TPO: variants seen among roughly 807,000 people sequenced by gnomAD.
TPO encodes the protein thyroid microsomal antigen.
TPO carries 78 observed loss-of-function variants against 96.9 expected under a neutral mutation model. The observed-to-expected ratio is 0.81, with a 90% confidence interval of 0.67 to 0.97. The LOEUF (loss-of-function observed/expected upper bound fraction) is 0.97. TPO is among the 50% of genes least tolerant of loss of function. The pLI, the probability that TPO is intolerant of heterozygous loss-of-function variation, is 0.00. For missense variants in TPO, 1,252 were observed against 1,274.8 expected, an observed-to-expected ratio of 0.98 and a Z score of 0.27; for synonymous variants, 547 against 538.0, an observed-to-expected ratio of 1.02 and a Z score of -0.23.
chr2:1,436,618 C>T (rs542895751), intron 5 of TPO, among the ~76,000 whole-genome samples: 10 of 152,314 alleles, frequency 6.6e-5, no homozygotes, highest in Admixed American at 5.2e-4. Flanking sequence ...TAGGTGCTTA[C>T]AGGTGACTCT....
At chr2:1,484,901 CTTTT>C (rs760255981) in intron 9 of TPO, 47 bp downstream of exon 9, 11 of 1,608,742 alleles carry the variant, frequency 6.8e-6, no homozygotes, top group African/African-American at 4.0e-5. Context: ...ACTCTTCCTT[CTTTT>C]TTTAATTTTT....
chr2:1,471,892 C>A (rs1351864704), intron 7 of TPO, among the ~76,000 whole-genome samples: 1 of 151,726 alleles, frequency 6.6e-6, no homozygotes, highest in East Asian at 1.9e-4. Context: ...TCATGGTGTG[C>A]CCTTCCCATG....
At chr2:1,496,482 C>A in intron 12 of TPO, 113 bp from the exon 13 acceptor site, 1 of 1,470,460 alleles carries the variant, frequency 6.8e-7, no homozygotes, top group East Asian at 2.3e-5. Flanking sequence ...GCAGGGCTCC[C>A]CGGCCCTGGC....
chr2:1,477,401 C>A lies in TPO; in HGVS notation c.1135C>A (p.Pro379Thr), dbSNP rs960306707. Residue 379 changes from proline (P) to threonine (T), a missense_variant, in exon 8 of 17, where the codon CCC becomes ACC. Physicochemically the swap from Pro to Thr is conservative, Grantham distance 38 (BLOSUM62 -1). Transcript: ENST00000329066. ...CGCGCCTGCGGCCTGTGCGCCCGAG[C>A]CCGGCATCCCCGGAGAGACCCGCGG... ...PRAPAACAPEPGIPGETRGPC... is the reference protein window; with the variant it reads ...PRAPAACAPETGIPGETRGPC... 1 of 1,524,504 alleles carries A rather than the reference C, an allele frequency of 6.6e-7. No homozygotes were observed. Among genetic ancestry groups the A allele is most frequent in the South Asian group, 1.2e-5 (1 of 82,444 alleles). 94.4% of individuals were successfully genotyped at this position (1,524,504 alleles called of 1,614,324 possible).
At chr2:1,461,158 T>C (rs1002809097) in intron 7 of TPO, among the ~76,000 whole-genome samples, 2 of 151,740 alleles carry the variant, frequency 1.3e-5, no homozygotes, top group African/African-American at 4.8e-5. Flanking sequence ...GTGGGGGAGG[T>C]TGGGGGGCCT....
At chr2:1,410,960 T>G (rs1198794117), upstream of TPO, among the ~76,000 whole-genome samples, 2 of 152,352 alleles carry the variant, frequency 1.3e-5, no homozygotes, top group African/African-American at 2.4e-5. Context: ...TGCTCCTTTC[T>G]GACAGAGACT....
intron 8 of TPO, 94 bp downstream of exon 8, chr2:1,477,698 G>A: frequency 7.2e-7 from 1 of 1,389,490 alleles, no homozygotes. Flanking sequence ...TCTCTCCCAG[G>A]TACTTGCACA....
intron 7 of TPO, among the ~76,000 whole-genome samples, chr2:1,469,414 A>C (rs375250996): frequency 5.1e-4 from 77 of 152,314 alleles, no homozygotes; most frequent in African/African-American, 1.8e-3. Context: ...GGACGTGATT[A>C]GTACTCTCCC....
chr2:1,462,517 AACAC>A lies in TPO; in HGVS notation c.819+6257_819+6260del, dbSNP rs35553172. ...AAACCCAAATACGTGTGTGTAGGTA[AACAC>A]ACACACACACACACACACACAGATA... On this transcript the variant is annotated intron_variant, in intron 7 of 16. Transcript: ENST00000329066. 4.1e-3 allele frequency among the ~76,000 whole-genome samples: 539 copies of A among 131,600 alleles called. 6 individuals carry two copies. The highest frequency in any genetic ancestry group is 0.016 in the African/African-American group (502 of 30,788). The allele number at this position is 131,600 out of a possible 152,430, so 86.3% of individuals were successfully genotyped here.
At chr2:1,489,547 C>T (rs1671514922) in intron 10 of TPO, among the ~76,000 whole-genome samples, 1 of 152,176 alleles carries the variant, frequency 6.6e-6, no homozygotes, top group South Asian at 2.1e-4. Flanking sequence ...TGTGGGTCCC[C>T]CCATAGATCG....
chr2:1,438,204 A>C (rs2148509275), intron 5 of TPO, among the ~76,000 whole-genome samples: 1 of 151,454 alleles, frequency 6.6e-6, no homozygotes, highest in African/African-American at 2.4e-5. Flanking sequence ...GTGGCGTTGG[A>C]GATGTGGGGG....
chr2:1,518,968 G>C (rs1442767820), intron 15 of TPO, among the ~76,000 whole-genome samples: 2 of 152,212 alleles, frequency 1.3e-5, no homozygotes, highest in African/African-American at 2.4e-5. Context: ...ATTCAGTATA[G>C]CTGGTGTTCC....
rs568076453 is a variant in TPO at position 1,526,777 on chromosome 2, TCCC to T, written c.2618+9800_2618+9802del. Among the ~76,000 whole-genome samples, 158 of 54,818 alleles carry T rather than the reference TCCC, an allele frequency of 2.9e-3. 2 individuals carry two copies. Among genetic ancestry groups the T allele is most frequent in the African/African-American group, 0.012 (154 of 12,414 alleles). The allele number at this position is 54,818 out of a possible 152,430, so 36.0% of individuals were successfully genotyped here. The stretch of plus-strand genomic sequence containing the variant: ...CACCACTCTGTGCAACCTCCCCAAA[TCCC>T]CCCCAATCTATGCAACCTCCCCAAA... On this transcript the variant is annotated intron_variant, in intron 15 of 16. Coordinates refer to ENST00000329066, the MANE Select transcript of TPO (RefSeq NM_001206744.2).
chr2:1,538,867 C>A (rs750784227), intron 15 of TPO, among the ~76,000 whole-genome samples: 5 of 152,198 alleles, frequency 3.3e-5, no homozygotes, highest in Non-Finnish European at 7.3e-5. Context: ...AGGACGAATG[C>A]GCCTTGCACA....
rs147247276 is a variant in TPO, at chr2:1,512,473, C to T, written c.2519-4410C>T. The T allele has an allele frequency of 3.8e-4, 379 of 985,428 alleles. 1 individual carries two copies. The African/African-American group carries it at 4.5e-3, about 12-fold the overall frequency. The allele number at this position is 985,428 out of a possible 1,614,324, so 61.0% of individuals were successfully genotyped here. A position where few individuals can be genotyped will look rare whatever the true frequency, so the allele number is the denominator to read the frequency against. ...CCGTGCTCAGGGCAGCTGTGCGCTC[C>T]GCGCTGCCTTCTGGTTCTGTGTGAT... On this transcript the variant is annotated intron_variant, in intron 14 of 16. Transcript: ENST00000329066.
At chr2:1,498,127 C>T (rs2124959302) in intron 13 of TPO, among the ~76,000 whole-genome samples, 1 of 152,142 alleles carries the variant, frequency 6.6e-6, no homozygotes, top group South Asian at 2.1e-4. Context: ...TATAATTCAG[C>T]ACAATAACAA....
chr2:1,385,158 G>T lies in TPO; in HGVS notation n.180+10756G>T, dbSNP rs1469798002. 4.6e-5 allele frequency among the ~76,000 whole-genome samples: 7 copies of T among 152,164 alleles called. No individual in the cohort carries two copies. The South Asian group carries it at 8.3e-4, about 18-fold the overall frequency. ...GCATCAGTGTTCATCAGGGATATTG[G>T]TCTAAAATTCTCTTTTTTTGTTGTG... is the stretch of plus-strand genomic sequence containing the variant. On this transcript the variant is annotated intron_variant and non_coding_transcript_variant, in intron 1 of 5. Coordinates refer to the TPO transcript ENST00000497517.
intron 1 of TPO, among the ~76,000 whole-genome samples, chr2:1,378,637 T>A (rs374270702): frequency 6.6e-6 from 1 of 152,194 alleles, no homozygotes; most frequent in South Asian, 2.1e-4. Flanking sequence ...CCAGGGCGAC[T>A]GCGACTCCGT....
chr2:1,527,985 C>G (rs1488298816), intron 15 of TPO, among the ~76,000 whole-genome samples: 1 of 147,928 alleles, frequency 6.8e-6, no homozygotes, highest in Non-Finnish European at 1.5e-5. Flanking sequence ...GTGCAACCTC[C>G]TCAAATCCCC....
Sources: allele counts gnomAD v4.1 joint callset (sites outside exome capture counted in the v4.1 genomes callset), GRCh38; gene constraint gnomAD v4.1.1; transcripts MANE v1.5; gene names NCBI Gene and HGNC (gene_info 2026-07-23, HGNC 2026-07-21).